Variants in GRM8 observed in about 807,000 individuals in gnomAD.
GRM8 encodes the protein metabotropic glutamate receptor 8.
GRM8 carries 47 observed loss-of-function variants against 87.2 expected under a neutral mutation model. That is an observed-to-expected ratio of 0.54 (90% CI 0.43 to 0.69). The LOEUF (loss-of-function observed/expected upper bound fraction) is 0.69, where lower values mean the gene tolerates loss of function less well. Among genes scored for constraint, GRM8 ranks in the 30% least tolerant of loss-of-function variants. The pLI is 0.00. For synonymous variants in GRM8, 396 were observed against 404.5 expected, an observed-to-expected ratio of 0.98 and a Z score of 0.25; for missense variants, 1,019 against 1,139.2, an observed-to-expected ratio of 0.89 and a Z score of 1.52.
intron 2 of GRM8, among the ~76,000 whole-genome samples, chr7:127,134,436 C>A (rs1164167241): frequency 6.6e-6 from 1 of 152,192 alleles, no homozygotes; most frequent in African/African-American, 2.4e-5. Flanking sequence ...ATCACTGTTA[C>A]ATGAATTCCA....
Position 126,533,426 on chromosome 7 carries a change from C to A in GRM8, c.1956G>T (p.Arg652=), listed in dbSNP as rs751379015. The A allele has an allele frequency of 1.9e-6, 3 of 1,613,902 alleles. No individual in the cohort carries two copies. In the South Asian group the frequency reaches 3.3e-5, roughly 18 times the overall value. The change falls in exon 9 of 11, where the codon CGG becomes CGT. Residue 652 remains arginine (R), a synonymous_variant. Transcript: ENST00000339582. Reference sequence around the variant, plus strand: ...AACACATGCCAAGTCCTAGGAAGACCCGTCGGAAGGAGCATATGATTGTAT... The same window carrying A: ...AACACATGCCAAGTCCTAGGAAGACACGTCGGAAGGAGCATATGATTGTAT... ...APDTIICSFR[R]VFLGLGMCFS... is the part of the protein sequence containing the mutation.
At chr7:126,614,339 CA>C (rs1468739283) in intron 7 of GRM8, among the ~76,000 whole-genome samples, 2 of 152,170 alleles carry the variant, frequency 1.3e-5, no homozygotes, top group Non-Finnish European at 2.9e-5. Context: ...AGGAAACTAA[CA>C]GACAGAAAGG....
chr7:127,161,500 G>A (rs1262177305), intron 2 of GRM8, among the ~76,000 whole-genome samples: 2 of 152,158 alleles, frequency 1.3e-5, no homozygotes, highest in Non-Finnish European at 2.9e-5. Context: ...TCTAGCTAGG[G>A]AAGCAATTGC....
chr7:126,723,019 T>A (rs1812591730), intron 7 of GRM8, among the ~76,000 whole-genome samples: 1 of 144,776 alleles, frequency 6.9e-6, no homozygotes, highest in Admixed American at 6.9e-5. Context: ...TACATATATA[T>A]AAATTATATA....
intron 7 of GRM8, among the ~76,000 whole-genome samples, chr7:126,752,829 C>G (rs1051628026): frequency 6.6e-6 from 1 of 152,022 alleles, no homozygotes; most frequent in Non-Finnish European, 1.5e-5. Context: ...CTTGGTGACA[C>G]TTTCCTTGAC....
intron 8 of GRM8, among the ~76,000 whole-genome samples, chr7:126,579,140 A>G (rs1322365601): frequency 6.6e-6 from 1 of 152,216 alleles, no homozygotes; most frequent in Non-Finnish European, 1.5e-5. Flanking sequence ...AGAGAAAACA[A>G]AATATTAGAA....
At chr7:126,642,299 C>A (rs1802486008) in intron 7 of GRM8, among the ~76,000 whole-genome samples, 1 of 152,156 alleles carries the variant, frequency 6.6e-6, no homozygotes, top group Non-Finnish European at 1.5e-5. Flanking sequence ...CATCATTAGA[C>A]TTTACATTTT....
intron 9 of GRM8, among the ~76,000 whole-genome samples, chr7:126,464,791 T>C (rs1804304142): frequency 6.6e-6 from 1 of 151,816 alleles, no homozygotes; most frequent in Non-Finnish European, 1.5e-5. Flanking sequence ...CTCTAAACTT[T>C]AACTTCATCC....
chr7:127,162,433 G>C (rs1019468776), intron 2 of GRM8, among the ~76,000 whole-genome samples: 2 of 152,290 alleles, frequency 1.3e-5, no homozygotes, highest in African/African-American at 4.8e-5. Flanking sequence ...GAAAGCAGCA[G>C]AAAGGAAGAT....
chr7:126,647,312 TA>T, intron 7 of GRM8, among the ~76,000 whole-genome samples: 1 of 87,802 alleles, frequency 1.1e-5, no homozygotes, highest in Admixed American at 1.1e-4. Context: ...GATAGATAGA[TA>T]GATAGATAGA....
chr7:127,182,245 T>C (rs1486204089), intron 2 of GRM8, among the ~76,000 whole-genome samples: 5 of 152,068 alleles, frequency 3.3e-5, no homozygotes, highest in Admixed American at 2.0e-4. Context: ...CATTAAAAAA[T>C]GCTCAACATC....
intron 3 of GRM8, among the ~76,000 whole-genome samples, chr7:126,992,575 A>G (rs1812764724): frequency 6.6e-6 from 1 of 152,240 alleles, no homozygotes; most frequent in African/African-American, 2.4e-5. Flanking sequence ...ATTAAAAATT[A>G]CAAATTATTA....
At chr7:126,496,419 CT>C (rs1397681174) in intron 9 of GRM8, among the ~76,000 whole-genome samples, 2 of 151,960 alleles carry the variant, frequency 1.3e-5, no homozygotes, top group Non-Finnish European at 2.9e-5. Flanking sequence ...CTTCCTTATT[CT>C]TCTATGACAA....
At chr7:127,121,085 C>T (rs1041842352) in intron 2 of GRM8, among the ~76,000 whole-genome samples, 7 of 152,152 alleles carry the variant, frequency 4.6e-5, no homozygotes, top group African/African-American at 9.7e-5. Flanking sequence ...ACCTTGTCAT[C>T]GATACATTTT....
chr7:127,001,086 A>G (rs1278559084), intron 3 of GRM8, among the ~76,000 whole-genome samples: 2 of 151,652 alleles, frequency 1.3e-5, no homozygotes, highest in African/African-American at 4.8e-5. Flanking sequence ...GTATTGATCA[A>G]TAGATGACAG....
In GRM8 at chr7:126,655,344, T is replaced by C. The variant is rs536548651; in HGVS notation, c.1358-45846A>G. ...TTGCATCCCATAATCTTTTTAAATA[T>C]AATGGAAAATTTAAAACATTTCATC... On this transcript the variant is annotated intron_variant, in intron 7 of 10. Coordinates refer to ENST00000339582, the MANE Select transcript of GRM8 (RefSeq NM_000845.3). Among the ~76,000 whole-genome samples the C allele has an allele frequency of 4.6e-5, 7 of 152,334 alleles. No individual in the cohort carries two copies. The South Asian group carries it at 1.4e-3, about 32-fold the overall frequency.
intron 2 of GRM8, among the ~76,000 whole-genome samples, chr7:127,153,079 T>C (rs1164326582): frequency 1.3e-5 from 2 of 152,138 alleles, no homozygotes; most frequent in South Asian, 2.1e-4. Context: ...TTAAAGGGCA[T>C]ATTACATAAA....
intron 8 of GRM8, among the ~76,000 whole-genome samples, chr7:126,574,268 T>C (rs530075246): frequency 7.9e-5 from 12 of 152,304 alleles, no homozygotes; most frequent in African/African-American, 2.9e-4. Context: ...ACCATTACTA[T>C]AGTTACTGGC....
At chr7:126,795,977 A>G (rs1200300703) in intron 6 of GRM8, among the ~76,000 whole-genome samples, 2 of 152,136 alleles carry the variant, frequency 1.3e-5, no homozygotes, top group African/African-American at 2.4e-5. Context: ...CAATATATGA[A>G]CCTTAAAATA....
Sources: allele counts gnomAD v4.1 joint callset (sites outside exome capture counted in the v4.1 genomes callset), GRCh38; gene constraint gnomAD v4.1.1; transcripts MANE v1.5; gene names NCBI Gene and HGNC (gene_info 2026-07-23, HGNC 2026-07-21).